Variants in FHIT observed in about 807,000 individuals in gnomAD.
FHIT encodes the protein bis(5'-adenosyl)-triphosphatase.
Under a neutral mutation model 17.9 loss-of-function variants are expected in FHIT, and 19 were observed. The observed-to-expected ratio is 1.06, with a 90% CI of 0.74 to 1.56. FHIT has a LOEUF of 1.56. Among genes scored for constraint, FHIT ranks in the 40% most tolerant of loss-of-function variants. FHIT has a pLI of 0.00. For synonymous variants in FHIT, 81 were observed against 69.7 expected, an observed-to-expected ratio of 1.16 and a Z score of -0.81; for missense variants, 248 against 189.2, an observed-to-expected ratio of 1.31 and a Z score of -1.82.
chr3:60,286,770 T>C (rs1576424010), intron 5 of FHIT, among the ~76,000 whole-genome samples: 1 of 152,180 alleles, frequency 6.6e-6, no homozygotes, highest in Non-Finnish European at 1.5e-5. Context: ...TATTCAGTTT[T>C]CTTTCATTTT....
intron 4 of FHIT, among the ~76,000 whole-genome samples, chr3:60,587,886 C>G (rs1357739118): frequency 1.3e-5 from 2 of 151,986 alleles, no homozygotes; most frequent in East Asian, 3.9e-4. Context: ...GATCACACAG[C>G]CTGGCTGGGG....
At chr3:60,350,723 G>A (rs113511041) in intron 5 of FHIT, among the ~76,000 whole-genome samples, 1,591 of 152,114 alleles carry the variant, frequency 0.01, 33 homozygotes, top group African/African-American at 0.036. Flanking sequence ...TAAGATAAGC[G>A]TGATGAACAG....
At chr3:60,579,162 T>G (rs782124889) in intron 4 of FHIT, among the ~76,000 whole-genome samples, 11 of 152,150 alleles carry the variant, frequency 7.2e-5, no homozygotes, top group Admixed American at 1.3e-4. Flanking sequence ...AATTTTGTCA[T>G]AGCACAAACA....
At chr3:60,511,235 G>A (rs150004578) in intron 5 of FHIT, among the ~76,000 whole-genome samples, 111 of 152,216 alleles carry the variant, frequency 7.3e-4, no homozygotes, top group African/African-American at 2.5e-3. Flanking sequence ...GTATCGTACT[G>A]AGAATGGTGC....
At chr3:60,056,352 G>A (rs1702081055) in intron 5 of FHIT, among the ~76,000 whole-genome samples, 2 of 152,190 alleles carry the variant, frequency 1.3e-5, no homozygotes, top group Admixed American at 6.5e-5. Flanking sequence ...CTGCCTGAGA[G>A]TAACCATTTA....
At chr3:60,960,894 C>T (rs949920644) in intron 3 of FHIT, among the ~76,000 whole-genome samples, 2 of 152,170 alleles carry the variant, frequency 1.3e-5, no homozygotes, top group Non-Finnish European at 2.9e-5. Context: ...AATAAACACA[C>T]GTGTGCATGT....
intron 4 of FHIT, among the ~76,000 whole-genome samples, chr3:60,686,122 C>A (rs1361383232): frequency 2.0e-5 from 3 of 152,170 alleles, no homozygotes; most frequent in Admixed American, 6.6e-5. Context: ...TATCTCCTTA[C>A]AGCACATTGA....
At chr3:59,882,704 A>C (rs1395837831) in intron 8 of FHIT, among the ~76,000 whole-genome samples, 1 of 152,208 alleles carries the variant, frequency 6.6e-6, no homozygotes, top group Non-Finnish European at 1.5e-5. Flanking sequence ...GTGAGGAAGA[A>C]GACAGATGCC....
At chr3:59,750,548 AAAATATG>A (rs1463819065) in intron 9 of FHIT, 1 of 225,714 alleles carries the variant, frequency 4.4e-6, no homozygotes, top group Non-Finnish European at 8.8e-6. Flanking sequence ...GGTTCAAAAT[AAAATATG>A]AAAGACAGCC....
At chr3:60,090,188 G>C (rs1282224858) in intron 5 of FHIT, among the ~76,000 whole-genome samples, 2 of 151,904 alleles carry the variant, frequency 1.3e-5, no homozygotes, top group African/African-American at 4.8e-5. Flanking sequence ...ATTAATTCCA[G>C]AAGTAAACTT....
intron 2 of FHIT, among the ~76,000 whole-genome samples, chr3:61,089,493 C>G (rs569066534): frequency 8.5e-5 from 13 of 152,232 alleles, no homozygotes; most frequent in African/African-American, 3.1e-4. Flanking sequence ...AATAGGTGAC[C>G]TTTTTTGTAA....
At chr3:60,561,689 T>C (rs1257910896) in intron 4 of FHIT, among the ~76,000 whole-genome samples, 1 of 152,136 alleles carries the variant, frequency 6.6e-6, no homozygotes, top group South Asian at 2.1e-4. Context: ...GAGCCAGAGA[T>C]AGAAGGACTG....
intron 3 of FHIT, among the ~76,000 whole-genome samples, chr3:61,011,664 G>T (rs1215599690): frequency 6.6e-6 from 1 of 152,130 alleles, no homozygotes; most frequent in Non-Finnish European, 1.5e-5. Flanking sequence ...AAATGTATCT[G>T]CAGTAAGGGT....
chr3:61,060,040 C>T (rs1178682083), intron 2 of FHIT, among the ~76,000 whole-genome samples: 2 of 151,998 alleles, frequency 1.3e-5, no homozygotes. Context: ...GGGATGATGT[C>T]CTGTCCAGGG....
chr3:59,920,516 A>G (rs1194743445), intron 8 of FHIT, among the ~76,000 whole-genome samples: 3 of 152,184 alleles, frequency 2.0e-5, no homozygotes, highest in Non-Finnish European at 4.4e-5. Context: ...AGCACTGTAC[A>G]TTGTGTCTTG....
chr3:61,080,403 C>T (rs2106773602), intron 2 of FHIT, among the ~76,000 whole-genome samples: 1 of 152,156 alleles, frequency 6.6e-6, no homozygotes, highest in Non-Finnish European at 1.5e-5. Context: ...AATTCTTTTA[C>T]CAGCCTTAGG....
chr3:59,885,279 C>T (rs1029167722), intron 8 of FHIT, among the ~76,000 whole-genome samples: 28 of 151,898 alleles, frequency 1.8e-4, no homozygotes, highest in Non-Finnish European at 3.7e-4. Flanking sequence ...CATCTTCAGA[C>T]ACTGAAAATA....
chr3:60,383,277 T>G (rs2107121173), intron 5 of FHIT, among the ~76,000 whole-genome samples: 1 of 152,330 alleles, frequency 6.6e-6, no homozygotes, highest in East Asian at 1.9e-4. Context: ...TATAATGGCC[T>G]TAATAATTTG....
intron 2 of FHIT, among the ~76,000 whole-genome samples, chr3:61,069,199 C>T (rs1413852313): frequency 3.3e-5 from 5 of 151,952 alleles, no homozygotes; most frequent in African/African-American, 4.8e-5. Context: ...TGGTTTTTTT[C>T]GTGGCACATA....
Sources: gnomAD v4.1 joint callset for allele counts (sites outside exome capture counted in the v4.1 genomes callset) on GRCh38, gnomAD v4.1.1 for gene constraint, MANE v1.5 for transcripts, NCBI Gene and HGNC (gene_info 2026-07-23, HGNC 2026-07-21) for gene names.